The following MSH3 variants were observed in gnomAD, a reference collection of about 807,000 sequenced individuals.
The protein encoded by MSH3 is DNA mismatch repair protein Msh3.
Under a neutral mutation model 123.3 loss-of-function variants are expected in MSH3, and 106 were observed. The ratio of observed to expected loss-of-function variants is 0.86; its 90% CI spans 0.73 to 1.01. MSH3 has a LOEUF of 1.01. MSH3 is among the 50% of genes least tolerant of loss of function. MSH3 has a pLI of 0.00. For missense variants in MSH3, 1,459 were observed against 1,347.6 expected (o/e 1.08, Z -1.29); for synonymous variants, 515 against 481.4 (o/e 1.07, Z -0.91).
chr5:80,836,359 A>C (rs936343584), intron 20 of MSH3, among the ~76,000 whole-genome samples: 9 of 152,190 alleles, frequency 5.9e-5, no homozygotes, highest in African/African-American at 1.9e-4. Context: ...AGGGGACTAC[A>C]GAGATAAATC....
intron 8 of MSH3, among the ~76,000 whole-genome samples, chr5:80,707,804 G>T (rs1333664028): frequency 1.3e-5 from 2 of 152,226 alleles, no homozygotes; most frequent in Admixed American, 1.3e-4. Flanking sequence ...CCTCTCAGCA[G>T]TGTGTGAGAG....
rs111322407 is a variant in MSH3, at chr5:80,802,600, T to C, written c.2655+9756T>C. ...AACAATCCAGTTATACTCTTAGTTA[T>C]TTTTAAATGTACAATAAATTTTGTT... is the stretch of plus-strand genomic sequence containing the variant. On this transcript the variant is annotated intron_variant, in intron 19 of 23. Coordinates refer to ENST00000265081, the MANE Select transcript of MSH3 (RefSeq NM_002439.5). Among the ~76,000 whole-genome samples, 723 of 152,286 alleles carry C rather than the reference T, an allele frequency of 4.7e-3. 6 individuals carry two copies. Among genetic ancestry groups the C allele is most frequent in the African/African-American group, 0.017 (689 of 41,562 alleles).
chr5:80,729,864 A>G (rs369944172), intron 10 of MSH3, among the ~76,000 whole-genome samples: 1 of 152,116 alleles, frequency 6.6e-6, no homozygotes, highest in Non-Finnish European at 1.5e-5. Context: ...ATCACCCTCC[A>G]TTATATTGAT....
chr5:80,832,377 T>C (rs1031584326), intron 20 of MSH3, among the ~76,000 whole-genome samples: 1 of 152,132 alleles, frequency 6.6e-6, no homozygotes, highest in Non-Finnish European at 1.5e-5. Flanking sequence ...CCCAGCACTT[T>C]AGGAGGCTGA....
At chr5:80,754,037 C>G (rs535485245) in intron 12 of MSH3, among the ~76,000 whole-genome samples, 1 of 152,198 alleles carries the variant, frequency 6.6e-6, no homozygotes, top group African/African-American at 2.4e-5. Context: ...CAGTCTGTTG[C>G]CAGAGATGGT....
chr5:80,758,727 A>G (rs1181041065), intron 12 of MSH3, among the ~76,000 whole-genome samples: 1 of 152,198 alleles, frequency 6.6e-6, no homozygotes, highest in African/African-American at 2.4e-5. Context: ...ATAGTTTTAT[A>G]TCTATTAAAA....
At chr5:80,736,327 A>C (rs1005360716) in intron 10 of MSH3, among the ~76,000 whole-genome samples, 2 of 151,800 alleles carry the variant, frequency 1.3e-5, no homozygotes, top group African/African-American at 4.8e-5. Flanking sequence ...ACTAAGAAGT[A>C]TGAAAGATTG....
chr5:80,829,002 C>T (rs770041174), intron 20 of MSH3, among the ~76,000 whole-genome samples: 2 of 152,228 alleles, frequency 1.3e-5, no homozygotes, highest in Admixed American at 6.5e-5. Flanking sequence ...TCTCTCTGCT[C>T]CACTAGACAT....
At chr5:80,802,234 A>C (rs1487324397) in intron 19 of MSH3, among the ~76,000 whole-genome samples, 1 of 148,978 alleles carries the variant, frequency 6.7e-6, no homozygotes, top group Non-Finnish European at 1.5e-5. Flanking sequence ...CTGCTCTTTT[A>C]GTTAATATTA....
rs550073236 is a variant in MSH3 at position 80,859,866 on chromosome 5, C to T, written c.3001-4947C>T. On this transcript the variant is annotated intron_variant, in intron 21 of 23. Coordinates refer to ENST00000265081, the MANE Select transcript of MSH3 (RefSeq NM_002439.5). ...TAGCTGGGAGTACAGGTGCATGGCA[C>T]TGTGCCCAGCTATTTTCTCTCCTTT... Among the ~76,000 whole-genome samples, 3 of 151,966 alleles carry T rather than the reference C, an allele frequency of 2.0e-5. No individual in the cohort carries two copies. In the East Asian group the frequency reaches 5.8e-4, roughly 29 times the overall value.
intron 19 of MSH3, among the ~76,000 whole-genome samples, chr5:80,807,304 A>G (rs750207258): frequency 7.2e-5 from 11 of 152,132 alleles, no homozygotes; most frequent in African/African-American, 1.9e-4. Context: ...TTAAATTCCT[A>G]TGTCATATTT....
In MSH3 at chr5:80,687,846, T is replaced by G. The variant is rs6893322; in HGVS notation, c.1340+8753T>G. ...CTGCCTAGATGGGACAGTTGAATTT[T>G]AAAAATAAATATTTCCCTAAAGGAA... On this transcript the variant is annotated intron_variant, in intron 8 of 23. Transcript: ENST00000265081. 7.5e-3 allele frequency among the ~76,000 whole-genome samples: 1,145 copies of G among 152,206 alleles called. 16 individuals are homozygous for G. The highest frequency in any genetic ancestry group is 0.025 in the African/African-American group (1,043 of 41,546).
In MSH3 at chr5:80,813,787, A is replaced by G. The variant is rs1561486794; in HGVS notation, c.2813+46A>G. The G allele has an allele frequency of 3.1e-6, 5 of 1,596,988 alleles. No individual in the cohort carries two copies. In the South Asian group the frequency reaches 3.3e-5, roughly 11 times the overall value. On this transcript the variant is annotated intron_variant, in intron 20 of 23. Coordinates refer to ENST00000265081, the MANE Select transcript of MSH3 (RefSeq NM_002439.5). ...TGCATATATTCTTGAAAATAAGTCA[A>G]GCCCACATTATCGCATGAATTTTCC... is the stretch of plus-strand genomic sequence containing the variant.
At chr5:80,746,442 C>T in intron 12 of MSH3, 1 of 472,480 alleles carries the variant, frequency 2.1e-6, no homozygotes. Flanking sequence ...CAGGACTTTT[C>T]TCCTTGATTG....
At chr5:80,781,530 C>T (rs899067194) in intron 17 of MSH3, among the ~76,000 whole-genome samples, 48 of 149,798 alleles carry the variant, frequency 3.2e-4, no homozygotes, top group African/African-American at 1.2e-3. Context: ...TGCAGTGATA[C>T]AATCATGACT....
chr5:80,656,475 TAAAG>T lies in MSH3; in HGVS notation c.307_310del (p.Lys103SerfsTer22), dbSNP rs1259647122. On this transcript the variant is annotated frameshift_variant, in exon 2 of 24. Transcript: ENST00000265081. LOFTEE classifies it high-confidence loss of function. ...AATGATGGGCCTGTTAAAAAGAAAG[TAAAG>T]AAAGTCCAACAAAAGGAAGGAGGAA... 3 of 1,613,978 alleles carry T rather than the reference TAAAG, an allele frequency of 1.9e-6. No homozygotes were observed. The highest frequency in any genetic ancestry group is 1.3e-5 in the African/African-American group (1 of 74,900).
chr5:80,699,447 A>G (rs1214991879), intron 8 of MSH3, among the ~76,000 whole-genome samples: 2 of 151,182 alleles, frequency 1.3e-5, no homozygotes, highest in Non-Finnish European at 2.9e-5. Context: ...AATCCTAGCT[A>G]CTTGGGAGGC....
intron 8 of MSH3, 32 bp from the exon 9 acceptor site, chr5:80,725,421 G>C: frequency 6.8e-7 from 1 of 1,477,790 alleles, no homozygotes; most frequent in Non-Finnish European, 9.5e-7. Context: ...TAATGGATAA[G>C]TTATCTTTGA....
intron 18 of MSH3, among the ~76,000 whole-genome samples, chr5:80,788,514 C>G (rs982335472): frequency 6.6e-6 from 1 of 151,288 alleles, no homozygotes; most frequent in Non-Finnish European, 1.5e-5. Flanking sequence ...TTTATATATA[C>G]TTAAGAAAAA....
Sources: allele counts gnomAD v4.1 joint callset (sites outside exome capture counted in the v4.1 genomes callset), GRCh38; gene constraint gnomAD v4.1.1; transcripts MANE v1.5; gene names NCBI Gene and HGNC (gene_info 2026-07-23, HGNC 2026-07-21).